Variants in DCT observed in about 807,000 individuals in gnomAD.
DCT encodes the protein L-dopachrome tautomerase.
DCT carries 47 observed loss-of-function variants against 53.0 expected under a neutral mutation model. That is an observed-to-expected ratio of 0.89 (90% CI 0.70 to 1.13). DCT has a LOEUF of 1.13. Ranked by LOEUF, DCT falls within the 50% of genes most tolerant of loss-of-function variation. DCT has a pLI of 0.00. For synonymous variants in DCT, 244 were observed against 237.0 expected (o/e 1.03, Z -0.27); for missense variants, 669 against 637.4 (o/e 1.05, Z -0.53).
At position 94,451,698 on chromosome 13, in the gene DCT, A is replaced by T. The variant is rs927025391; in HGVS notation, c.1180-8061T>A. Among the ~76,000 whole-genome samples the T allele has an allele frequency of 3.3e-5, 5 of 152,238 alleles. No homozygotes were observed. In the East Asian group the frequency reaches 7.7e-4, roughly 23 times the overall value. On this transcript the variant is annotated intron_variant, in intron 6 of 7. Transcript: ENST00000377028. ...GGACATTCTCCTCACAAAAATGTAC[A>T]GAACATCTACTAAGTGTCAGGTACT...
At chr13:94,462,612 T>C (rs61964064) in intron 4 of DCT, among the ~76,000 whole-genome samples, 23,274 of 152,048 alleles carry the variant, frequency 0.15, 1,990 homozygotes, top group Non-Finnish European at 0.2. Flanking sequence ...TAAAATTGTA[T>C]TACAATTACT....
the DCT span, among the ~76,000 whole-genome samples, chr13:94,528,116 C>A: frequency 6.6e-6 from 1 of 152,108 alleles, no homozygotes. Flanking sequence ...ATGAACAAAA[C>A]CTCCAAGAAA....
chr13:94,500,327 A>T, the DCT span, among the ~76,000 whole-genome samples: 1 of 152,202 alleles, frequency 6.6e-6, no homozygotes, highest in African/African-American at 2.4e-5. Flanking sequence ...GGCAAGAGAG[A>T]AAATGAGAGC....
intron 4 of DCT, among the ~76,000 whole-genome samples, chr13:94,465,181 G>A (rs367807284): frequency 5.9e-5 from 9 of 152,248 alleles, no homozygotes; most frequent in African/African-American, 2.2e-4. Context: ...GTTAATACAA[G>A]ACAATATTCA....
intron 6 of DCT, among the ~76,000 whole-genome samples, chr13:94,446,870 G>C (rs1882769170): frequency 6.6e-6 from 1 of 151,918 alleles, no homozygotes; most frequent in Non-Finnish European, 1.5e-5. Context: ...CCTTTTTATA[G>C]GGACACCACT....
chr13:94,541,878 C>A, the DCT span, among the ~76,000 whole-genome samples: 1 of 152,152 alleles, frequency 6.6e-6, no homozygotes, highest in Non-Finnish European at 1.5e-5. Flanking sequence ...GGGCTCTGTG[C>A]TGGCTACACA....
chr13:94,483,067 A>G (rs1001661342), upstream of DCT, among the ~76,000 whole-genome samples: 11 of 152,104 alleles, frequency 7.2e-5, no homozygotes, highest in South Asian at 4.2e-4. Flanking sequence ...TGAGCCCAGG[A>G]GTCTGAGATC....
chr13:94,512,368 TATC>T, the DCT span, among the ~76,000 whole-genome samples: 1 of 152,098 alleles, frequency 6.6e-6, no homozygotes, highest in Non-Finnish European at 1.5e-5. Flanking sequence ...AAATTGGAAA[TATC>T]ATCAAGTAAC....
chr13:94,470,986 G>GCCA, intron 1 of DCT, among the ~76,000 whole-genome samples: 1 of 152,332 alleles, frequency 6.6e-6, no homozygotes, highest in East Asian at 1.9e-4. Flanking sequence ...AGCAGATGAT[G>GCCA]CCACATACAT....
At chr13:94,502,933 A>G in the DCT span, among the ~76,000 whole-genome samples, 9 of 152,194 alleles carry the variant, frequency 5.9e-5, no homozygotes, top group African/African-American at 1.2e-4. Context: ...GCTCATTGCA[A>G]GGAAAACCTG....
chr13:94,450,855 T>C (rs1273044108), intron 6 of DCT, among the ~76,000 whole-genome samples: 2 of 152,134 alleles, frequency 1.3e-5, no homozygotes, highest in Non-Finnish European at 2.9e-5. Flanking sequence ...TAGGAGAGAG[T>C]TGCTCAACTC....
intron 7 of DCT, among the ~76,000 whole-genome samples, chr13:94,440,799 G>A (rs41308574): frequency 6.8e-6 from 1 of 147,034 alleles, no homozygotes; most frequent in South Asian, 2.2e-4. Flanking sequence ...TCCTGCCTCA[G>A]CCTCCCGAGT....
intron 3 of DCT, among the ~76,000 whole-genome samples, chr13:94,466,144 T>G (rs1884206728): frequency 6.7e-6 from 1 of 150,012 alleles, no homozygotes; most frequent in East Asian, 2.0e-4. Flanking sequence ...AGAAAAACAC[T>G]GCACTATCTC....
chr13:94,459,979 C>A, intron 6 of DCT, 112 bp downstream of exon 6: 4 of 1,150,768 alleles, frequency 3.5e-6, no homozygotes, highest in East Asian at 2.5e-5. Flanking sequence ...CATTTGCACA[C>A]ATCACATTGT....
the DCT span, among the ~76,000 whole-genome samples, chr13:94,532,750 C>T: frequency 3.3e-5 from 5 of 152,172 alleles, no homozygotes; most frequent in East Asian, 1.9e-4. Context: ...CAAACCTGCA[C>T]GCTGTGCACA....
chr13:94,547,980 A>ATATATATATATAT, the DCT span, among the ~76,000 whole-genome samples: 2 of 99,184 alleles, frequency 2.0e-5, no homozygotes, highest in African/African-American at 1.6e-4. Context: ...AAAAAAAAAA[A>ATATATATATATAT]AAAAATATAT....
the DCT span, among the ~76,000 whole-genome samples, chr13:94,491,758 C>T: frequency 3.4e-4 from 52 of 152,262 alleles, 2 homozygotes; most frequent in Admixed American, 6.5e-5. Flanking sequence ...CTTAATCTCA[C>T]GGAAGTGCCA....
the DCT span, among the ~76,000 whole-genome samples, chr13:94,542,475 G>C: frequency 6.6e-6 from 1 of 152,180 alleles, no homozygotes; most frequent in Non-Finnish European, 1.5e-5. Flanking sequence ...ACAGGTGTAA[G>C]GGATTACAGG....
At chr13:94,524,792 T>G in the DCT span, among the ~76,000 whole-genome samples, 1 of 152,108 alleles carries the variant, frequency 6.6e-6, no homozygotes. Context: ...CCTAAGAATG[T>G]GACCTTCCTT....
Sources: gnomAD v4.1 joint callset for allele counts (sites outside exome capture counted in the v4.1 genomes callset) on GRCh38, gnomAD v4.1.1 for gene constraint, MANE v1.5 for transcripts, NCBI Gene and HGNC (gene_info 2026-07-23, HGNC 2026-07-21) for gene names.